KIRREL3: variants seen among roughly 807,000 people sequenced by gnomAD.
The protein encoded by KIRREL3 is kin of IRRE-like protein 3.
Under a neutral mutation model 89.7 loss-of-function variants are expected in KIRREL3, and 36 were observed. The observed-to-expected ratio is 0.40, with a 90% CI of 0.31 to 0.53. The LOEUF is 0.53. KIRREL3 is among the 20% of genes least tolerant of loss of function. The probability of loss-of-function intolerance (pLI) is 0.49; values close to 1 mark genes in which losing one functional copy is unlikely to be tolerated. For synonymous variants in KIRREL3, 445 were observed against 441.4 expected (o/e 1.01, Z -0.10); for missense variants, 864 against 1,056.6 (o/e 0.82, Z 2.53).
rs374906014 is a variant in KIRREL3, at chr11:126,995,014, G to A, written c.55+5441C>T. 2.1e-4 allele frequency: 78 copies of A among 363,990 alleles called. No homozygotes were observed. The highest frequency in any genetic ancestry group is 5.1e-4 in the African/African-American group (24 of 46,870). The allele number at this position is 363,990 out of a possible 1,614,324, so 22.5% of individuals were successfully genotyped here. ...GACGTATGGAACAGTACTGTGTCTC[G>A]GTGCAGTCGATTCTCACATCATTCC... On this transcript the variant is annotated intron_variant, in intron 1 of 16. Coordinates refer to ENST00000525144, the MANE Select transcript of KIRREL3 (RefSeq NM_032531.4). This position sits in a 1 kb window ranked among gnomAD's most constrained non-coding sequence, Gnocchi z 6.5.
chr11:126,854,399 GCC>G (rs1416948860), intron 1 of KIRREL3, among the ~76,000 whole-genome samples: 2 of 151,982 alleles, frequency 1.3e-5, no homozygotes, highest in Non-Finnish European at 2.9e-5. Context: ...ATTACCTCCA[GCC>G]CCTGACAACC....
rs922141524 is a variant in KIRREL3 at position 126,427,666 on chromosome 11, A to G, written c.1806+1513T>C. ...GGTTGCCTGGCACTGAGGAGCCCTG[A>G]TGGCACACCAGGAAGTTGGGCTTTG... On this transcript the variant is annotated intron_variant, in intron 15 of 16. Coordinates refer to ENST00000525144, the MANE Select transcript of KIRREL3 (RefSeq NM_032531.4). This position sits in a 1 kb window ranked among gnomAD's most constrained non-coding sequence, Gnocchi z 5.3. Among the ~76,000 whole-genome samples, 2 of 152,198 alleles carry G rather than the reference A, an allele frequency of 1.3e-5. No homozygotes were observed. The highest frequency in any genetic ancestry group is 2.9e-5 in the Non-Finnish European group (2 of 68,034).
At chr11:126,810,365 C>T (rs1053240771) in intron 1 of KIRREL3, among the ~76,000 whole-genome samples, 9 of 152,180 alleles carry the variant, frequency 5.9e-5, no homozygotes, top group African/African-American at 2.2e-4. Context: ...CTTCACACTG[C>T]CCTGATTACC....
chr11:126,727,819 G>A (rs1284622022), intron 1 of KIRREL3, among the ~76,000 whole-genome samples: 2 of 152,224 alleles, frequency 1.3e-5, no homozygotes, highest in East Asian at 1.9e-4. Context: ...GAATGAGCAC[G>A]TGGACACAAC....
Position 126,440,473 on chromosome 11 carries a change from C to T in KIRREL3, c.1329G>A (p.Arg443=). Residue 443 remains arginine, a synonymous_variant, in exon 11 of 17, where the codon CGG becomes CGA. Transcript: ENST00000525144. ...CGATGCGGTCCGGCGGCGGCGTGCT[C>T]CGGATGAAGCACTTGATCTGGCCCT... ...GEKGQIKCFI[R]STPPPDRIAW... The T allele has an allele frequency of 6.3e-7, 1 of 1,591,002 alleles. No individual in the cohort carries two copies. Among genetic ancestry groups the T allele is most frequent in the Non-Finnish European group, 8.6e-7 (1 of 1,169,524 alleles).
Position 126,513,041 on chromosome 11 carries a change from C to A in KIRREL3, c.433+8274G>T, listed in dbSNP as rs1392876141. Reference sequence around the variant, plus strand: ...TGAGGGCCGTTTGTCCTGCTTGGGTCTGGAGAGTTTCCAATGCCCTGGGGA... The same window carrying A: ...TGAGGGCCGTTTGTCCTGCTTGGGTATGGAGAGTTTCCAATGCCCTGGGGA... On this transcript the variant is annotated intron_variant, in intron 4 of 16. Coordinates refer to ENST00000525144, the MANE Select transcript of KIRREL3 (RefSeq NM_032531.4). The surrounding 1 kb of genome is among the most constrained non-coding windows in gnomAD (Gnocchi z 5.9). Among the ~76,000 whole-genome samples, 1 of 152,094 alleles carries A rather than the reference C, an allele frequency of 6.6e-6. No homozygotes were observed. Among genetic ancestry groups the A allele is most frequent in the Non-Finnish European group, 1.5e-5 (1 of 68,034 alleles).
chr11:126,702,270 G>C (rs1350170640), intron 1 of KIRREL3, among the ~76,000 whole-genome samples: 1 of 152,204 alleles, frequency 6.6e-6, no homozygotes, highest in Non-Finnish European at 1.5e-5. Context: ...ATTGATGGTA[G>C]CTGCAGGTAT....
In KIRREL3 at chr11:126,516,626, C is replaced by T. The variant is rs1958417189; in HGVS notation, c.433+4689G>A. Among the ~76,000 whole-genome samples, 1 of 152,138 alleles carries T rather than the reference C, an allele frequency of 6.6e-6. No homozygotes were observed. The highest frequency in any genetic ancestry group is 1.5e-5 in the Non-Finnish European group (1 of 68,036). On this transcript the variant is annotated intron_variant, in intron 4 of 16. Transcript: ENST00000525144. The surrounding 1 kb of genome is among the most constrained non-coding windows in gnomAD (Gnocchi z 4.9). ...ACATTTGTTGATCAAATCCTTGGTA[C>T]CATTTCCTCCCTGCCCTGGATGTCC...
chr11:126,964,039 CCT>C (rs1352558705), intron 1 of KIRREL3, among the ~76,000 whole-genome samples: 16 of 152,288 alleles, frequency 1.1e-4, no homozygotes, highest in African/African-American at 3.6e-4. Flanking sequence ...GTGCAAGGGA[CCT>C]ATCTCATGAA....
Position 126,442,351 on chromosome 11 carries a change from C to A in KIRREL3, c.1253-1802G>T, listed in dbSNP as rs867060469. 1.9e-3 allele frequency among the ~76,000 whole-genome samples: 239 copies of A among 126,590 alleles called. 2 individuals carry two copies. The highest frequency in any genetic ancestry group is 6.3e-3 in the African/African-American group (220 of 34,962). The allele number at this position is 126,590 out of a possible 152,430, so 83.0% of individuals were successfully genotyped here. ...ACACACACACACACACACACACACA[C>A]ACAAAACCTTTTCCTTGTGCTTCCC... On this transcript the variant is annotated intron_variant, in intron 10 of 16. Transcript: ENST00000525144.
Position 126,769,364 on chromosome 11 carries a change from G to C in KIRREL3, c.56-206452C>G, listed in dbSNP as rs1282727317. On this transcript the variant is annotated intron_variant, in intron 1 of 16. Transcript: ENST00000525144. The surrounding 1 kb of genome is among the most constrained non-coding windows in gnomAD (Gnocchi z 4.3). ...CTTGAAGGATGGATAGAATTTTGGT[G>C]ATAAAGAGAGGCCAGAGTCTCACAA... 6.6e-6 allele frequency among the ~76,000 whole-genome samples: 1 copy of C among 152,164 alleles called. No individual in the cohort carries two copies. The highest frequency in any genetic ancestry group is 1.5e-5 in the Non-Finnish European group (1 of 68,042).
rs1372793449 is a variant in KIRREL3, at chr11:126,641,242, T to C, written c.56-78330A>G. ...TAGCCTGTTGTCTCAAAATATATTA[T>C]AAACCAACCACCTCTCACCACTTCC... On this transcript the variant is annotated intron_variant, in intron 1 of 16. Coordinates refer to ENST00000525144, the MANE Select transcript of KIRREL3 (RefSeq NM_032531.4). This position sits in a 1 kb window ranked among gnomAD's most constrained non-coding sequence, Gnocchi z 5.0. Among the ~76,000 whole-genome samples the C allele has an allele frequency of 1.3e-5, 2 of 152,184 alleles. No individual in the cohort carries two copies. Among genetic ancestry groups the C allele is most frequent in the Non-Finnish European group, 2.9e-5 (2 of 68,044 alleles).
chr11:126,568,351 G>A lies in KIRREL3; in HGVS notation c.56-5439C>T, dbSNP rs1409719695. Reference sequence around the variant, plus strand: ...CTGGGAGACCGCTGCCATACTCCAGGTGGGAGATGGTGGGCTTGCATCTGC... The same window carrying A: ...CTGGGAGACCGCTGCCATACTCCAGATGGGAGATGGTGGGCTTGCATCTGC... On this transcript the variant is annotated intron_variant, in intron 1 of 16. Coordinates refer to ENST00000525144, the MANE Select transcript of KIRREL3 (RefSeq NM_032531.4). The surrounding 1 kb of genome is among the most constrained non-coding windows in gnomAD (Gnocchi z 4.6). Among the ~76,000 whole-genome samples the A allele has an allele frequency of 6.6e-6, 1 of 152,240 alleles. No homozygotes were observed. The highest frequency in any genetic ancestry group is 1.5e-5 in the Non-Finnish European group (1 of 68,042).
intron 1 of KIRREL3, among the ~76,000 whole-genome samples, chr11:126,600,077 TTC>T (rs1942585902): frequency 6.6e-6 from 1 of 152,224 alleles, no homozygotes; most frequent in Admixed American, 6.5e-5. Flanking sequence ...CTCTCTCTTT[TTC>T]TCTCTGTCTC....
At chr11:126,786,161 A>T (rs2134343848) in intron 1 of KIRREL3, among the ~76,000 whole-genome samples, 1 of 152,344 alleles carries the variant, frequency 6.6e-6, no homozygotes, top group South Asian at 2.1e-4. Flanking sequence ...CATTAGAATG[A>T]TCATTTATGA....
rs2037933918 is a variant in KIRREL3 at position 126,954,904 on chromosome 11, C to T, written c.55+45551G>A. On this transcript the variant is annotated intron_variant, in intron 1 of 16. Transcript: ENST00000525144. The surrounding 1 kb of genome is among the most constrained non-coding windows in gnomAD (Gnocchi z 4.1). ...AAGCAGAAAGAAGACGCACCTCAAA[C>T]ATACTGTGTGGGCAACAACTCTGTC... is the stretch of plus-strand genomic sequence containing the variant. Among the ~76,000 whole-genome samples the T allele has an allele frequency of 6.6e-6, 1 of 152,210 alleles. No individual in the cohort carries two copies.
chr11:126,866,728 G>T (rs2093274367), intron 1 of KIRREL3, among the ~76,000 whole-genome samples: 1 of 152,086 alleles, frequency 6.6e-6, no homozygotes, highest in Non-Finnish European at 1.5e-5. Flanking sequence ...AGGACACAGT[G>T]GCAGACGCTG....
At position 126,689,965 on chromosome 11, in the gene KIRREL3, T is replaced by A. The variant is rs187290993; in HGVS notation, c.56-127053A>T. ...GAGAGTTGATGCTTCTTTTAGACCC[T>A]ATTTGTCTCCCGGCCTCACACTGCC... On this transcript the variant is annotated intron_variant, in intron 1 of 16. Transcript: ENST00000525144. This position sits in a 1 kb window ranked among gnomAD's most constrained non-coding sequence, Gnocchi z 5.2. Among the ~76,000 whole-genome samples the A allele has an allele frequency of 1.3e-5, 2 of 152,326 alleles. No homozygotes were observed. Among genetic ancestry groups the A allele is most frequent in the Non-Finnish European group, 2.9e-5 (2 of 68,022 alleles).
chr11:126,567,928 TG>T (rs1940637068), intron 1 of KIRREL3, among the ~76,000 whole-genome samples: 2 of 152,258 alleles, frequency 1.3e-5, no homozygotes, highest in South Asian at 2.1e-4. Flanking sequence ...CAAGTGCATC[TG>T]GATGGCTGCT....
Sources: gnomAD v4.1 joint callset for allele counts (sites outside exome capture counted in the v4.1 genomes callset) on GRCh38, gnomAD v4.1.1 for gene constraint, Gnocchi (gnomAD v3.1) non-coding constraint, MANE v1.5 for transcripts, NCBI Gene and HGNC (gene_info 2026-07-23, HGNC 2026-07-21) for gene names.